The following SLC9A9 variants were observed in gnomAD, a reference collection of about 807,000 sequenced individuals.
SLC9A9 encodes the protein solute carrier family 9 member A9, also known as sodium/hydrogen exchanger 9.
Under a neutral mutation model 77.8 loss-of-function variants are expected in SLC9A9, and 62 were observed. The observed-to-expected ratio is 0.80, with a 90% confidence interval of 0.65 to 0.98. The LOEUF (loss-of-function observed/expected upper bound fraction) is 0.98. SLC9A9 is among the 50% of genes least tolerant of loss of function. SLC9A9 has a pLI of 0.00. For missense variants in SLC9A9, 775 were observed against 774.9 expected, an observed-to-expected ratio of 1.00 and a Z score of 0.00; for synonymous variants, 320 against 283.5, an observed-to-expected ratio of 1.13 and a Z score of -1.29.
chr3:143,546,000 G>A (rs1324539504), intron 9 of SLC9A9, among the ~76,000 whole-genome samples: 1 of 152,172 alleles, frequency 6.6e-6, no homozygotes, highest in Non-Finnish European at 1.5e-5. Flanking sequence ...CAGTCATTTA[G>A]TTCAATCATT....
intron 6 of SLC9A9, among the ~76,000 whole-genome samples, chr3:143,597,639 C>T (rs970269404): frequency 1.3e-5 from 2 of 152,194 alleles, no homozygotes; most frequent in Non-Finnish European, 2.9e-5. Flanking sequence ...GCTCATCCAC[C>T]CACTCCCCTC....
At chr3:143,779,392 G>C (rs1258934694) in intron 4 of SLC9A9, among the ~76,000 whole-genome samples, 1 of 151,980 alleles carries the variant, frequency 6.6e-6, no homozygotes, top group East Asian at 1.9e-4. Flanking sequence ...TGTTTTTTGA[G>C]ATGGAGTTTT....
At chr3:143,528,468 G>A (rs139089680) in intron 9 of SLC9A9, among the ~76,000 whole-genome samples, 1 of 152,304 alleles carries the variant, frequency 6.6e-6, no homozygotes, top group East Asian at 1.9e-4. Flanking sequence ...ACTGCAGTGT[G>A]ATAAGTGGGT....
In SLC9A9 at chr3:143,668,316, C is replaced by T. The variant is rs570558378; in HGVS notation, c.650-15956G>A. On this transcript the variant is annotated intron_variant, in intron 5 of 15. Transcript: ENST00000316549. ...TGGACACAGGGTGGGGAACATCACA[C>T]CCTGGGGCCTGTCGTGGGGTGGGGG... is the stretch of plus-strand genomic sequence containing the variant. 3.0e-3 allele frequency among the ~76,000 whole-genome samples: 382 copies of T among 126,000 alleles called. 1 individual carries two copies. Among genetic ancestry groups the T allele is most frequent in the Non-Finnish European group, 5.1e-3 (325 of 63,804 alleles). The allele number at this position is 126,000 out of a possible 152,430, so 82.7% of individuals were successfully genotyped here.
intron 12 of SLC9A9, among the ~76,000 whole-genome samples, chr3:143,399,280 G>T (rs957520589): frequency 1.4e-4 from 22 of 151,996 alleles, no homozygotes; most frequent in Admixed American, 3.3e-4. Context: ...TTGCTGAGAC[G>T]GATTAAAGTA....
intron 2 of SLC9A9, among the ~76,000 whole-genome samples, chr3:143,814,059 A>T (rs1397823661): frequency 6.6e-6 from 1 of 152,234 alleles, no homozygotes; most frequent in Non-Finnish European, 1.5e-5. Flanking sequence ...TAAGCCAGGC[A>T]TATGGCAGGG....
intron 14 of SLC9A9, among the ~76,000 whole-genome samples, chr3:143,288,229 G>GA (rs377114550): frequency 0.011 from 1,591 of 149,760 alleles, 33 homozygotes; most frequent in African/African-American, 0.037. Flanking sequence ...AGAGTATAGG[G>GA]AAAAAAAAGC....
intron 11 of SLC9A9, among the ~76,000 whole-genome samples, chr3:143,469,331 C>A (rs1196380687): frequency 6.6e-6 from 1 of 152,106 alleles, no homozygotes; most frequent in African/African-American, 2.4e-5. Context: ...ACATGCAAGA[C>A]ATTTATAGTC....
rs147448636 is a variant in SLC9A9 at position 143,713,824 on chromosome 3, A to G, written c.534-20517T>C. 2.8e-3 allele frequency among the ~76,000 whole-genome samples: 429 copies of G among 152,346 alleles called. 5 individuals carry two copies. The highest frequency in any genetic ancestry group is 0.01 in the African/African-American group (417 of 41,580). On this transcript the variant is annotated intron_variant, in intron 4 of 15. Transcript: ENST00000316549. Reference sequence around the variant, plus strand: ...TTTCAAACTAAAACTTTATGGTTTTATAAAAAGCTGAAGGAAGAAATAAAA... The same window carrying G: ...TTTCAAACTAAAACTTTATGGTTTTGTAAAAAGCTGAAGGAAGAAATAAAA...
intron 14 of SLC9A9, among the ~76,000 whole-genome samples, chr3:143,333,177 C>T (rs1257922050): frequency 6.6e-6 from 1 of 151,952 alleles, no homozygotes; most frequent in Admixed American, 6.6e-5. Context: ...ATTGTCCTGC[C>T]TATGTGTGCT....
At chr3:143,624,045 C>T (rs1019209903) in intron 6 of SLC9A9, among the ~76,000 whole-genome samples, 58 of 152,248 alleles carry the variant, frequency 3.8e-4, no homozygotes, top group African/African-American at 1.3e-3. Flanking sequence ...GACACATACA[C>T]CCTCCCAAGA....
At chr3:143,778,702 G>A (rs960266734) in intron 4 of SLC9A9, among the ~76,000 whole-genome samples, 3 of 152,270 alleles carry the variant, frequency 2.0e-5, no homozygotes, top group Non-Finnish European at 4.4e-5. Flanking sequence ...AACCTTCGGG[G>A]AGATTTATGT....
chr3:143,749,870 A>G (rs1218139899), intron 4 of SLC9A9, among the ~76,000 whole-genome samples: 2 of 152,202 alleles, frequency 1.3e-5, no homozygotes, highest in Non-Finnish European at 2.9e-5. Flanking sequence ...ACAAAAGGAA[A>G]GTCTATATGC....
chr3:143,488,973 T>C (rs917985037), intron 11 of SLC9A9, among the ~76,000 whole-genome samples: 3 of 151,952 alleles, frequency 2.0e-5, no homozygotes, highest in Non-Finnish European at 4.4e-5. Context: ...AATATAATTT[T>C]ATATGTAGAA....
chr3:143,625,902 C>T (rs1174989098), intron 6 of SLC9A9, among the ~76,000 whole-genome samples: 3 of 152,124 alleles, frequency 2.0e-5, no homozygotes, highest in Non-Finnish European at 2.9e-5. Context: ...CTACAATGAA[C>T]TCAAACAAAT....
intron 6 of SLC9A9, among the ~76,000 whole-genome samples, chr3:143,606,215 G>T (rs536112153): frequency 2.6e-5 from 4 of 151,958 alleles, no homozygotes; most frequent in Admixed American, 2.6e-4. Flanking sequence ...TACCAGCCTG[G>T]CCAACATGGC....
At chr3:143,303,030 G>A (rs2030602632) in intron 14 of SLC9A9, among the ~76,000 whole-genome samples, 1 of 152,210 alleles carries the variant, frequency 6.6e-6, no homozygotes, top group African/African-American at 2.4e-5. Context: ...TTCCCCTGCA[G>A]AGGGACAACT....
At position 143,820,471 on chromosome 3, in the gene SLC9A9, T is replaced by A. The variant is rs549182419; in HGVS notation, c.378+11548A>T. On this transcript the variant is annotated intron_variant, in intron 2 of 15. Coordinates refer to ENST00000316549, the MANE Select transcript of SLC9A9 (RefSeq NM_173653.4). ...TAAGGTCAATATCGTACATCCTGGG[T>A]TTCCTACCCCTGGACCTAGATGCCC... Among the ~76,000 whole-genome samples, 7 of 152,312 alleles carry A rather than the reference T, an allele frequency of 4.6e-5. No individual in the cohort carries two copies. The South Asian group carries it at 1.4e-3, about 32-fold the overall frequency.
At chr3:143,804,372 G>T (rs777623125) in intron 2 of SLC9A9, among the ~76,000 whole-genome samples, 4 of 152,060 alleles carry the variant, frequency 2.6e-5, no homozygotes, top group Non-Finnish European at 4.4e-5. Context: ...ACAGTGAAAG[G>T]TTACTCGTAG....
Sources: gnomAD v4.1 joint callset for allele counts (sites outside exome capture counted in the v4.1 genomes callset) on GRCh38, gnomAD v4.1.1 for gene constraint, MANE v1.5 for transcripts, NCBI Gene and HGNC (gene_info 2026-07-23, HGNC 2026-07-21) for gene names.